RBFOX1: variants seen among roughly 807,000 people sequenced by gnomAD.
The protein encoded by RBFOX1 is RNA binding fox-1 homolog 1, also known as RNA binding protein fox-1 homolog 1.
A neutral mutation model predicts 57.7 loss-of-function variants in RBFOX1; 8 were observed. The ratio of observed to expected loss-of-function variants is 0.14; its 90% confidence interval spans 0.08 to 0.25. The LOEUF is 0.25. Ranked by LOEUF, RBFOX1 falls within the 10% of genes least tolerant of loss-of-function variation. The probability of loss-of-function intolerance (pLI) is 1.00; values close to 1 mark genes in which losing one functional copy is unlikely to be tolerated. For missense variants in RBFOX1, 611 were observed against 548.5 expected (o/e 1.11, Z -1.14); for synonymous variants, 326 against 222.4 (o/e 1.47, Z -4.15).
chr16:5,491,758 C>G (rs2042836860), intron 2 of RBFOX1, among the ~76,000 whole-genome samples: 1 of 152,194 alleles, frequency 6.6e-6, no homozygotes, highest in Non-Finnish European at 1.5e-5. Flanking sequence ...GAGCCTGGCC[C>G]TTAAAGACAG....
chr16:6,972,838 A>C (rs1001789069), intron 3 of RBFOX1, among the ~76,000 whole-genome samples: 31 of 152,140 alleles, frequency 2.0e-4, no homozygotes, highest in African/African-American at 7.0e-4. Flanking sequence ...AACCAGAGAC[A>C]AGGGGCCGGA....
intron 4 of RBFOX1, among the ~76,000 whole-genome samples, chr16:7,194,501 A>C (rs1757601124): frequency 6.6e-6 from 1 of 151,138 alleles, no homozygotes; most frequent in Non-Finnish European, 1.5e-5. Flanking sequence ...CTTTGGGGCT[A>C]AAGATTTCAA....
At chr16:7,076,874 C>T (rs2058391333) in intron 4 of RBFOX1, among the ~76,000 whole-genome samples, 1 of 152,216 alleles carries the variant, frequency 6.6e-6, no homozygotes, top group South Asian at 2.1e-4. Context: ...TGTCACCTCT[C>T]TGGAGACCAG....
chr16:7,551,552 A>G (rs2086542979), intron 5 of RBFOX1, among the ~76,000 whole-genome samples: 1 of 152,210 alleles, frequency 6.6e-6, no homozygotes. Context: ...GGAAATGGTC[A>G]ATAAGTGAGC....
At chr16:6,663,223 C>G (rs929565054) in intron 3 of RBFOX1, among the ~76,000 whole-genome samples, 1 of 152,154 alleles carries the variant, frequency 6.6e-6, no homozygotes, top group Non-Finnish European at 1.5e-5. Context: ...GACTTACTGA[C>G]AATGGATGGG....
chr16:6,173,854 C>T (rs1226141713), intron 1 of RBFOX1, among the ~76,000 whole-genome samples: 1 of 152,000 alleles, frequency 6.6e-6, no homozygotes, highest in Non-Finnish European at 1.5e-5. Context: ...AAGTGATCTG[C>T]CTGCCTTGGC....
intron 4 of RBFOX1, among the ~76,000 whole-genome samples, chr16:6,008,186 C>T (rs931849546): frequency 2.6e-5 from 4 of 151,898 alleles, no homozygotes; most frequent in East Asian, 3.9e-4. Context: ...GCCTGGGTGG[C>T]ATAGTGAAAC....
chr16:5,313,245 C>G (rs2064140153), intron 1 of RBFOX1, among the ~76,000 whole-genome samples: 1 of 152,120 alleles, frequency 6.6e-6, no homozygotes. Flanking sequence ...CTTAGGACCT[C>G]TAATTCCCCC....
chr16:5,916,953 C>T (rs1157039166), intron 4 of RBFOX1, among the ~76,000 whole-genome samples: 1 of 152,070 alleles, frequency 6.6e-6, no homozygotes, highest in African/African-American at 2.4e-5. Flanking sequence ...GTGGGTGTCT[C>T]CCCTGCCTTT....
At chr16:6,614,850 C>G (rs143239171) in intron 2 of RBFOX1, among the ~76,000 whole-genome samples, 1 of 152,324 alleles carries the variant, frequency 6.6e-6, no homozygotes, top group African/African-American at 2.4e-5. Context: ...CTTAACTAAT[C>G]ACTTCTATTA....
At chr16:7,382,323 C>T (rs989683248) in intron 4 of RBFOX1, among the ~76,000 whole-genome samples, 1 of 152,192 alleles carries the variant, frequency 6.6e-6, no homozygotes, top group Admixed American at 6.5e-5. Flanking sequence ...CTATCCACAG[C>T]CCTCAAGAGT....
At chr16:6,987,350 G>C (rs370035045) in intron 3 of RBFOX1, among the ~76,000 whole-genome samples, 1 of 152,116 alleles carries the variant, frequency 6.6e-6, no homozygotes, top group South Asian at 2.1e-4. Context: ...AAGAGAGAAT[G>C]AGTAGTTTGC....
chr16:7,147,574 G>C (rs1014451870), intron 4 of RBFOX1, among the ~76,000 whole-genome samples: 2 of 152,030 alleles, frequency 1.3e-5, no homozygotes, highest in South Asian at 4.1e-4. Context: ...GTGATATTTG[G>C]TTTTCTGTTC....
At chr16:5,330,423 GAC>G (rs1346915833) in intron 1 of RBFOX1, among the ~76,000 whole-genome samples, 1 of 151,800 alleles carries the variant, frequency 6.6e-6, no homozygotes, top group Admixed American at 6.6e-5. Flanking sequence ...TTTTTTTTGA[GAC>G]AGAGTCTCAG....
In RBFOX1 at chr16:5,557,259, C is replaced by CAATAAATA. The variant is rs201351265; in HGVS notation, c.259-41604_259-41597dup. 4.4e-3 allele frequency among the ~76,000 whole-genome samples: 627 copies of CAATAAATA among 143,544 alleles called. 1 individual carries two copies. The highest frequency in any genetic ancestry group is 5.0e-3 in the Admixed American group (70 of 14,088). 94.2% of individuals were successfully genotyped at this position (143,544 alleles called of 152,430 possible). A position where few individuals can be genotyped will look rare whatever the true frequency, so the allele number is the denominator to read the frequency against. On this transcript the variant is annotated intron_variant, in intron 2 of 2. Coordinates refer to the RBFOX1 transcript ENST00000585867. ...GGGGTGACAGAGTGAGACTCCATCT[C>CAATAAATA]AATAAATAAATAAATAAATAAATAA...
chr16:7,040,852 C>G (rs2045909995), intron 3 of RBFOX1, among the ~76,000 whole-genome samples: 2 of 151,966 alleles, frequency 1.3e-5, no homozygotes, highest in Admixed American at 6.6e-5. Flanking sequence ...GGCCATGGGC[C>G]AAAGACAGCT....
intron 3 of RBFOX1, among the ~76,000 whole-genome samples, chr16:5,779,550 A>C (rs7199564): frequency 0.34 from 52,144 of 152,124 alleles, 9,839 homozygotes; most frequent in East Asian, 0.55. Context: ...CATGTATCCA[A>C]GTATCCCTAT....
intron 3 of RBFOX1, among the ~76,000 whole-genome samples, chr16:6,666,258 G>T (rs1295251041): frequency 6.6e-6 from 1 of 152,174 alleles, no homozygotes; most frequent in African/African-American, 2.4e-5. Flanking sequence ...CTGAGGCCGG[G>T]CACAGTGGCT....
intron 1 of RBFOX1, among the ~76,000 whole-genome samples, chr16:5,425,621 C>G (rs763747566): frequency 2.0e-5 from 3 of 152,210 alleles, no homozygotes; most frequent in Non-Finnish European, 4.4e-5. Context: ...CGTGTCCTTT[C>G]TCTTTGAATA....
Sources: gnomAD v4.1 joint callset for allele counts (sites outside exome capture counted in the v4.1 genomes callset) on GRCh38, gnomAD v4.1.1 for gene constraint, MANE v1.5 for transcripts, NCBI Gene and HGNC (gene_info 2026-07-23, HGNC 2026-07-21) for gene names.